The following RSRC1 variants were observed in gnomAD, a reference collection of about 807,000 sequenced individuals.
RSRC1 encodes the protein serine/Arginine-related protein 53.
RSRC1 carries 39 observed loss-of-function variants against 49.1 expected under a neutral mutation model. The ratio of observed to expected loss-of-function variants is 0.79; its 90% CI spans 0.61 to 1.04. RSRC1 has a LOEUF of 1.04. Ranked by LOEUF, RSRC1 falls within the 50% of genes least tolerant of loss-of-function variation. RSRC1 has a pLI of 0.00. For missense variants in RSRC1, 388 were observed against 402.4 expected (o/e 0.96, Z 0.31); for synonymous variants, 143 against 130.8 (o/e 1.09, Z -0.63).
chr3:158,479,480 T>C (rs1046460631), intron 7 of RSRC1, among the ~76,000 whole-genome samples: 1 of 151,870 alleles, frequency 6.6e-6, no homozygotes, highest in Non-Finnish European at 1.5e-5. Context: ...ATATCCAAGT[T>C]ATTGTTGTCT....
chr3:158,482,903 C>A (rs1458345543), intron 7 of RSRC1, among the ~76,000 whole-genome samples: 1 of 151,884 alleles, frequency 6.6e-6, no homozygotes, highest in Non-Finnish European at 1.5e-5. Flanking sequence ...GCACAGAAAT[C>A]AAATTATTTA....
chr3:158,456,858 A>G (rs1737355339), intron 6 of RSRC1, among the ~76,000 whole-genome samples: 1 of 152,114 alleles, frequency 6.6e-6, no homozygotes, highest in Non-Finnish European at 1.5e-5. Flanking sequence ...GCACTTTTTT[A>G]AAATTTTTTT....
intron 5 of RSRC1, among the ~76,000 whole-genome samples, chr3:158,316,393 A>AT (rs1728446808): frequency 7.4e-6 from 1 of 135,328 alleles, no homozygotes; most frequent in Non-Finnish European, 1.6e-5. Flanking sequence ...GATATGCCTC[A>AT]TTTTTCCACC....
chr3:158,354,825 T>C, intron 5 of RSRC1, 32 bp from the exon 6 acceptor site: 1 of 1,514,036 alleles, frequency 6.6e-7, no homozygotes, highest in Non-Finnish European at 8.9e-7. Flanking sequence ...AAAAGTCTTG[T>C]ATGGTTGAAT....
intron 3 of RSRC1, among the ~76,000 whole-genome samples, chr3:158,154,778 T>C (rs1717760432): frequency 6.6e-6 from 1 of 152,152 alleles, no homozygotes; most frequent in Non-Finnish European, 1.5e-5. Context: ...TCTTTCAAAA[T>C]TAGAGTCAGT....
chr3:158,301,815 C>T (rs1202394343), intron 5 of RSRC1, among the ~76,000 whole-genome samples: 2 of 152,052 alleles, frequency 1.3e-5, no homozygotes, highest in Admixed American at 6.6e-5. Context: ...TATCTTTGGA[C>T]ATGTATGATG....
intron 4 of RSRC1, among the ~76,000 whole-genome samples, chr3:158,246,584 G>T (rs1723915593): frequency 6.6e-6 from 1 of 152,086 alleles, no homozygotes; most frequent in African/African-American, 2.4e-5. Context: ...TGGTGGTAAT[G>T]AATTCTCTCA....
chr3:158,294,527 C>CT (rs1195035514), intron 4 of RSRC1, among the ~76,000 whole-genome samples: 10 of 151,178 alleles, frequency 6.6e-5, no homozygotes, highest in Middle Eastern at 3.4e-3. Context: ...GTGGGTTCAT[C>CT]TTTTTTTTTC....
intron 4 of RSRC1, among the ~76,000 whole-genome samples, chr3:158,224,294 AT>A (rs1256262336): frequency 2.0e-5 from 3 of 151,944 alleles, no homozygotes; most frequent in African/African-American, 7.2e-5. Flanking sequence ...AATGTAGAAT[AT>A]TTTAAGTTAA....
intron 6 of RSRC1, among the ~76,000 whole-genome samples, chr3:158,390,693 A>G (rs563783915): frequency 2.0e-5 from 3 of 152,266 alleles, no homozygotes; most frequent in African/African-American, 7.2e-5. Context: ...GGTTAATTAA[A>G]CATCAGGCAT....
rs575442750 is a variant in RSRC1 at position 158,260,024 on chromosome 3, C to T, written c.495-38015C>T. On this transcript the variant is annotated intron_variant, in intron 4 of 9. Coordinates refer to ENST00000611884, the MANE Select transcript of RSRC1 (RefSeq NM_001271838.2). The stretch of plus-strand genomic sequence containing the variant: ...AGGTCCAGAAATGCCATCCAGGATT[C>T]AAGGCCTGGAATTGAGGACCCCAGG... Among the ~76,000 whole-genome samples the T allele has an allele frequency of 2.0e-5, 3 of 152,286 alleles. No individual in the cohort carries two copies. The South Asian group carries it at 6.2e-4, about 32-fold the overall frequency.
intron 4 of RSRC1, among the ~76,000 whole-genome samples, chr3:158,253,341 A>G (rs913978813): frequency 4.6e-5 from 7 of 152,110 alleles, no homozygotes; most frequent in Admixed American, 2.6e-4. Flanking sequence ...CTCATCATTC[A>G]GAAGCATATC....
intron 6 of RSRC1, among the ~76,000 whole-genome samples, chr3:158,388,621 T>G (rs58385997): frequency 1.7e-5 from 2 of 114,580 alleles, no homozygotes; most frequent in Non-Finnish European, 4.1e-5. Context: ...TGTTTTTTTT[T>G]TTTTTTTGAG....
chr3:158,150,340 A>G (rs944861686), intron 3 of RSRC1, among the ~76,000 whole-genome samples: 2 of 152,264 alleles, frequency 1.3e-5, no homozygotes, highest in Non-Finnish European at 2.9e-5. Flanking sequence ...GCATAAAACC[A>G]AAGAAAAGGG....
At chr3:158,449,738 C>T (rs1270877631) in intron 6 of RSRC1, among the ~76,000 whole-genome samples, 1 of 151,982 alleles carries the variant, frequency 6.6e-6, no homozygotes, top group African/African-American at 2.4e-5. Flanking sequence ...TTTTCTGAGA[C>T]TTGACTGCAC....
intron 6 of RSRC1, among the ~76,000 whole-genome samples, chr3:158,382,307 C>CT (rs925261921): frequency 6.6e-6 from 1 of 151,948 alleles, no homozygotes; most frequent in South Asian, 2.1e-4. Flanking sequence ...TTACAGTTAA[C>CT]TTTTTTTTAT....
chr3:158,516,994 T>C (rs1225110840), intron 7 of RSRC1, among the ~76,000 whole-genome samples: 1 of 152,188 alleles, frequency 6.6e-6, no homozygotes, highest in Non-Finnish European at 1.5e-5. Flanking sequence ...ATGCCCACTG[T>C]CTGGCACTCC....
chr3:158,291,974 A>G (rs1345301872), intron 4 of RSRC1, among the ~76,000 whole-genome samples: 2 of 152,232 alleles, frequency 1.3e-5, no homozygotes, highest in African/African-American at 4.8e-5. Context: ...TGTTTGTAAC[A>G]AAGGGAAAGT....
At chr3:158,288,089 A>T (rs1271512909) in intron 4 of RSRC1, among the ~76,000 whole-genome samples, 1 of 152,168 alleles carries the variant, frequency 6.6e-6, no homozygotes, top group Admixed American at 6.5e-5. Context: ...AAAAACTTAC[A>T]TTATAAAAAT....
Sources: gnomAD v4.1 joint callset for allele counts (sites outside exome capture counted in the v4.1 genomes callset) on GRCh38, gnomAD v4.1.1 for gene constraint, MANE v1.5 for transcripts, NCBI Gene and HGNC (gene_info 2026-07-23, HGNC 2026-07-21) for gene names.